Variants in CTPS1 observed in about 807,000 individuals in gnomAD.
CTPS1 encodes CTP synthetase 1.
CTPS1 carries 25 observed loss-of-function variants against 80.5 expected under a neutral mutation model. The ratio of observed to expected loss-of-function variants is 0.31; its 90% confidence interval spans 0.23 to 0.43. The LOEUF is 0.43. Among genes scored for constraint, CTPS1 ranks in the 20% least tolerant of loss-of-function variants. CTPS1 has a pLI of 1.00. For synonymous variants in CTPS1, 267 were observed against 252.5 expected (o/e 1.06, Z -0.54); for missense variants, 442 against 725.7 (o/e 0.61, Z 4.49).
chr1:40,996,162 T>A (rs979449439), intron 8 of CTPS1, 94 bp downstream of exon 8: 7 of 1,373,350 alleles, frequency 5.1e-6, no homozygotes, highest in Non-Finnish European at 7.1e-6. Flanking sequence ...TTTGTACTTT[T>A]GCACTTCTGC....
At position 40,995,898 on chromosome 1, in the gene CTPS1, C is replaced by A. The variant is rs560478107; in HGVS notation, c.721-19C>A. 15 of 1,603,718 alleles carry A rather than the reference C, an allele frequency of 9.4e-6. No homozygotes were observed. The South Asian group carries it at 1.1e-4, about 12-fold the overall frequency. Reference sequence around the variant, plus strand: ...GTGAGTTTTTGCTTTTATTTAATAACTTGCTTTTTTCTAAACAGGTGATCT... The same window carrying A: ...GTGAGTTTTTGCTTTTATTTAATAAATTGCTTTTTTCTAAACAGGTGATCT... On this transcript the variant is annotated intron_variant, in intron 7 of 18. Coordinates refer to ENST00000650070, the MANE Select transcript of CTPS1 (RefSeq NM_001905.4).
intron 12 of CTPS1, 141 bp downstream of exon 12, chr1:41,003,317 G>T: frequency 1.2e-6 from 1 of 835,602 alleles, no homozygotes; most frequent in Non-Finnish European, 2.0e-6. Context: ...CCGTAAGGGA[G>T]CTGCCTTGCC....
intron 1 of CTPS1, among the ~76,000 whole-genome samples, chr1:40,982,504 C>T (rs1421348770): frequency 4.6e-5 from 7 of 152,138 alleles, no homozygotes; most frequent in Non-Finnish European, 1.0e-4. Context: ...ATTCTCCTGC[C>T]TCAGTCTCCT....
intron 3 of CTPS1, among the ~76,000 whole-genome samples, chr1:40,985,504 C>T (rs909534244): frequency 6.6e-6 from 1 of 152,142 alleles, no homozygotes. Context: ...GCTTCGCTTA[C>T]ATCTATTTGC....
At chr1:41,000,134 C>A (rs750882426) in intron 9 of CTPS1, among the ~76,000 whole-genome samples, 1 of 152,202 alleles carries the variant, frequency 6.6e-6, no homozygotes. Flanking sequence ...AGAGGCAAAA[C>A]GAATCTGTGA....
chr1:41,002,976 T>G, intron 11 of CTPS1, 138 bp from the exon 12 acceptor site: 1 of 755,960 alleles, frequency 1.3e-6, no homozygotes, highest in Non-Finnish European at 2.2e-6. Flanking sequence ...AGAGAGTACT[T>G]GTTCATAGCA....
chr1:41,002,116 G>C (rs994998897), intron 10 of CTPS1, 44 bp from the exon 11 acceptor site: 8 of 1,569,222 alleles, frequency 5.1e-6, no homozygotes, highest in Non-Finnish European at 7.0e-6. Flanking sequence ...AAGTTGGACT[G>C]GTAGAAAAGG....
intron 3 of CTPS1, 22 bp from the exon 4 acceptor site, chr1:40,987,350 C>T: frequency 6.4e-7 from 1 of 1,564,184 alleles, no homozygotes; most frequent in Admixed American, 1.7e-5. Flanking sequence ...CGTAAGTTCC[C>T]TGTTTGTTTT....
At chr1:40,986,355 C>T (rs550213029) in intron 3 of CTPS1, among the ~76,000 whole-genome samples, 3 of 152,228 alleles carry the variant, frequency 2.0e-5, no homozygotes, top group South Asian at 4.2e-4. Context: ...GAGGGGAGGC[C>T]GGCATAGCTA....
rs778163725 is a variant in CTPS1, at chr1:40,991,852, A to C, written c.720+7A>C. 1 of 1,607,026 alleles carries C rather than the reference A, an allele frequency of 6.2e-7. No individual in the cohort carries two copies. Among genetic ancestry groups the C allele is most frequent in the African/African-American group, 1.3e-5 (1 of 74,802 alleles). ...CCATGTTGAGCCTGAACAAGTGAGT[A>C]GAAATTCCCATCTCTAATAAGTTGT... On this transcript the variant is annotated splice_region_variant and intron_variant, in intron 7 of 18. Coordinates refer to ENST00000650070, the MANE Select transcript of CTPS1 (RefSeq NM_001905.4).
rs1255000749 is a variant in CTPS1, at chr1:41,007,996, A to G, written c.1393+451A>G. ...GAGGAAAATAGTTAAGAAAATGACT[A>G]TTACACAGATTTCCTTCTTGTCTAC... On this transcript the variant is annotated intron_variant, in intron 14 of 18. Transcript: ENST00000650070. The surrounding 1 kb of genome is among the most constrained non-coding windows in gnomAD (Gnocchi z 4.4). Among the ~76,000 whole-genome samples the G allele has an allele frequency of 6.6e-6, 1 of 152,216 alleles. No homozygotes were observed. Among genetic ancestry groups the G allele is most frequent in the African/African-American group, 2.4e-5 (1 of 41,442 alleles).
chr1:41,008,931 A>C, intron 16 of CTPS1, 41 bp downstream of exon 16: 1 of 1,500,126 alleles, frequency 6.7e-7, no homozygotes, highest in Non-Finnish European at 9.3e-7. Flanking sequence ...AAACTTAGTA[A>C]AGTTTTCTTG....
chr1:40,983,933 A>C (rs1256956422), intron 2 of CTPS1, among the ~76,000 whole-genome samples: 3 of 152,206 alleles, frequency 2.0e-5, no homozygotes, highest in African/African-American at 7.2e-5. Flanking sequence ...TGTTATTGAG[A>C]ACCTGTCAAT....
intron 13 of CTPS1, 125 bp downstream of exon 13, chr1:41,006,219 T>C (rs1643030472): frequency 1.3e-6 from 1 of 777,884 alleles, no homozygotes; most frequent in Non-Finnish European, 2.1e-6. Flanking sequence ...CCCTGAGGTT[T>C]TGGGCACTCA....
In CTPS1 at chr1:40,984,898, C is replaced by T; in HGVS notation, c.244C>T (p.Leu82Phe). The T allele has an allele frequency of 6.2e-7, 1 of 1,606,308 alleles. No individual in the cohort carries two copies. Among genetic ancestry groups the T allele is most frequent in the Non-Finnish European group, 8.5e-7 (1 of 1,175,192 alleles). The change falls in exon 3 of 19, where the codon CTC becomes TTC. Residue 82 changes from leucine to phenylalanine, a missense_variant. By Grantham distance (22) the Leu-to-Phe change is conservative. This residue lies in a region of CTPS1 where 69 missense variants were observed against 102.1 expected (regional missense o/e 0.68). Coordinates refer to ENST00000650070, the MANE Select transcript of CTPS1 (RefSeq NM_001905.4). ...GNYERFLDIR[L>F]TKDNNLTTGK... ...CTATGAGCGGTTCCTTGACATCCGC[C>T]TCACCAAGGACAATAATCTGACCAC...
intron 12 of CTPS1, among the ~76,000 whole-genome samples, chr1:41,005,134 CACAA>C (rs1475117076): frequency 6.6e-6 from 1 of 151,586 alleles, no homozygotes; most frequent in Non-Finnish European, 1.5e-5. Flanking sequence ...TGTCTTAAAA[CACAA>C]ACAAACAATA....
chr1:40,983,608 G>T, intron 2 of CTPS1, 152 bp downstream of exon 2: 3 of 514,300 alleles, frequency 5.8e-6, no homozygotes, highest in Non-Finnish European at 3.3e-6. Context: ...TAGAAAGGAA[G>T]AAGCAGAATT....
intron 1 of CTPS1, chr1:40,981,355 G>C (rs988075474): frequency 6.6e-6 from 1 of 152,238 alleles, no homozygotes; most frequent in African/African-American, 2.4e-5. Context: ...AACGTAAAGA[G>C]AGATGTTAAA....
chr1:41,009,868 G>A (rs1202192642), intron 17 of CTPS1, among the ~76,000 whole-genome samples: 1 of 152,162 alleles, frequency 6.6e-6, no homozygotes, highest in Non-Finnish European at 1.5e-5. Context: ...AGTTTTTCCT[G>A]GGAAGTAAGC....
Sources: gnomAD v4.1 joint callset for allele counts (sites outside exome capture counted in the v4.1 genomes callset) on GRCh38, gnomAD v4.1.1 for gene constraint, gnomAD v4.1.1 regional missense constraint, Gnocchi (gnomAD v3.1) non-coding constraint, MANE v1.5 for transcripts, NCBI Gene and HGNC (gene_info 2026-07-23, HGNC 2026-07-21) for gene names.